The following TULP4 variants were observed in gnomAD, a reference collection of about 807,000 sequenced individuals.
TULP4 encodes tubby-related protein 4.
Under a neutral mutation model 129.0 loss-of-function variants are expected in TULP4, and 16 were observed. That is an observed-to-expected ratio of 0.12 (90% CI 0.08 to 0.19). The LOEUF is 0.19. TULP4 is among the 10% of genes least tolerant of loss of function. The pLI is 1.00. For missense variants in TULP4, 1,842 were observed against 2,059.1 expected (o/e 0.89, Z 2.04); for synonymous variants, 998 against 854.0 (o/e 1.17, Z -2.94).
intron 2 of TULP4, among the ~76,000 whole-genome samples, chr6:158,418,354 C>T (rs189653894): frequency 6.6e-6 from 1 of 150,924 alleles, no homozygotes; most frequent in Admixed American, 6.6e-5. Context: ...GTGATCCACC[C>T]GTCTTGGCCT....
rs565560528 is a variant in TULP4 at position 158,403,737 on chromosome 6, C to T, written c.253-9328C>T. On this transcript the variant is annotated intron_variant, in intron 1 of 13. Coordinates refer to ENST00000367097, the MANE Select transcript of TULP4 (RefSeq NM_020245.5). Reference sequence around the variant, plus strand: ...TGCTTAACTAGTATTTTAATTTGGGCGTCTCATTGCTCAGGTATGTTCCTT... The same window carrying T: ...TGCTTAACTAGTATTTTAATTTGGGTGTCTCATTGCTCAGGTATGTTCCTT... Among the ~76,000 whole-genome samples, 5 of 152,298 alleles carry T rather than the reference C, an allele frequency of 3.3e-5. No homozygotes were observed. In the South Asian group the frequency reaches 1.0e-3, roughly 32 times the overall value.
intron 1 of TULP4, among the ~76,000 whole-genome samples, chr6:158,383,232 C>T (rs1777368997): frequency 6.6e-6 from 1 of 152,178 alleles, no homozygotes; most frequent in South Asian, 2.1e-4. Flanking sequence ...CTGTATGCCT[C>T]CCTGCTCTCA....
intron 1 of TULP4, among the ~76,000 whole-genome samples, chr6:158,284,064 C>T (rs1363160752): frequency 1.3e-5 from 2 of 152,190 alleles, no homozygotes; most frequent in South Asian, 4.1e-4. Context: ...AGCAAACATC[C>T]GTTAAAAGTC....
At chr6:158,424,439 AG>A (rs1778428102) in intron 2 of TULP4, among the ~76,000 whole-genome samples, 1 of 152,068 alleles carries the variant, frequency 6.6e-6, no homozygotes, top group Admixed American at 6.5e-5. Context: ...GAGTAGAAAC[AG>A]GGTTTCACCA....
chr6:158,321,732 G>A (rs1020806699), intron 1 of TULP4, among the ~76,000 whole-genome samples: 5 of 152,118 alleles, frequency 3.3e-5, no homozygotes, highest in African/African-American at 1.2e-4. Context: ...TCACCACCAT[G>A]CCTAGCATAA....
At chr6:158,373,255 T>G (rs184049387) in intron 1 of TULP4, among the ~76,000 whole-genome samples, 3 of 152,338 alleles carry the variant, frequency 2.0e-5, no homozygotes, top group Admixed American at 6.5e-5. Flanking sequence ...TGCATTAACC[T>G]GTTCAGTCAA....
Position 158,506,852 on chromosome 6 carries a change from GGTC to G in TULP4, c.*162_*164del, listed in dbSNP as rs1202637592. ...GGCCCAGGAGAGGGCGCTGACCTGTGGTCGTCATTTATTTGGTTGGGTTTTATT... is the reference window on the plus strand; with the variant it reads ...GGCCCAGGAGAGGGCGCTGACCTGTGGTCATTTATTTGGTTGGGTTTTATT... On this transcript the variant is annotated 3_prime_UTR_variant, in exon 14 of 14. Coordinates refer to ENST00000367097, the MANE Select transcript of TULP4 (RefSeq NM_020245.5). 3 of 601,450 alleles carry G rather than the reference GGTC, an allele frequency of 5.0e-6. No individual in the cohort carries two copies. The highest frequency in any genetic ancestry group is 3.7e-5 in the African/African-American group (2 of 53,754). 37.3% of individuals were successfully genotyped at this position (601,450 alleles called of 1,614,324 possible). A position where few individuals can be genotyped will look rare whatever the true frequency, so the allele number is the denominator to read the frequency against.
intron 5 of TULP4, among the ~76,000 whole-genome samples, chr6:158,458,648 A>G (rs1266597051): frequency 1.3e-5 from 2 of 152,272 alleles, no homozygotes; most frequent in African/African-American, 2.4e-5. Context: ...GACATCATTT[A>G]CAAAAAGTTT....
Position 158,313,690 on chromosome 6 carries a change from A to C in TULP4, c.-327A>C, listed in dbSNP as rs899053120. On this transcript the variant is annotated 5_prime_UTR_variant, in exon 1 of 14. Coordinates refer to ENST00000367097, the MANE Select transcript of TULP4 (RefSeq NM_020245.5). ...AAAAGAAGAAAACCGTTTCTTGATC[A>C]CCACTTAATTAACGATGCTCTTTCT... 2.9e-5 allele frequency: 13 copies of C among 450,762 alleles called. No individual in the cohort carries two copies. Among genetic ancestry groups the C allele is most frequent in the Admixed American group, 2.3e-4 (6 of 26,256 alleles). The allele number at this position is 450,762 out of a possible 1,614,324, so 27.9% of individuals were successfully genotyped here.
chr6:158,293,799 A>G (rs1489082344), intron 1 of TULP4, among the ~76,000 whole-genome samples: 2 of 152,248 alleles, frequency 1.3e-5, no homozygotes, highest in Non-Finnish European at 2.9e-5. Context: ...AAATGATAAC[A>G]CAATAAATAT....
chr6:158,248,452 G>A (rs1183037750), intron 1 of TULP4, among the ~76,000 whole-genome samples: 2 of 149,900 alleles, frequency 1.3e-5, no homozygotes, highest in African/African-American at 2.4e-5. Context: ...TTGTATTTTA[G>A]TAGAGACGGG....
intron 1 of TULP4, among the ~76,000 whole-genome samples, chr6:158,296,705 AAG>A (rs1404061933): frequency 6.6e-6 from 1 of 151,848 alleles, no homozygotes; most frequent in African/African-American, 2.4e-5. Flanking sequence ...AAAGAGTACA[AAG>A]AGAGGAATTT....
intron 6 of TULP4, among the ~76,000 whole-genome samples, chr6:158,477,877 C>T (rs1463058468): frequency 6.6e-6 from 1 of 152,104 alleles, no homozygotes; most frequent in African/African-American, 2.4e-5. Context: ...CAGCAGTAGA[C>T]TGGATAAAGA....
chr6:158,479,072 G>C (rs1367088001), intron 6 of TULP4, among the ~76,000 whole-genome samples: 2 of 152,138 alleles, frequency 1.3e-5, no homozygotes, highest in African/African-American at 2.4e-5. Context: ...ATGAGAAAAG[G>C]GGGAGGCTTC....
At chr6:158,440,135 C>T (rs1351221577) in intron 3 of TULP4, among the ~76,000 whole-genome samples, 2 of 151,586 alleles carry the variant, frequency 1.3e-5, no homozygotes, top group Admixed American at 1.3e-4. Flanking sequence ...AGACCAGCAA[C>T]ATGACAAAAC....
chr6:158,409,233 G>A (rs1475783975), intron 1 of TULP4, among the ~76,000 whole-genome samples: 1 of 152,122 alleles, frequency 6.6e-6, no homozygotes. Flanking sequence ...GTTTTTTTGT[G>A]TAGATTTTCC....
chr6:158,241,473 G>A (rs962369128), intron 1 of TULP4, among the ~76,000 whole-genome samples: 9 of 151,354 alleles, frequency 5.9e-5, no homozygotes, highest in African/African-American at 1.9e-4. Context: ...CTGAGTGAAC[G>A]AGACTCCGTC....
intron 1 of TULP4, among the ~76,000 whole-genome samples, chr6:158,397,456 C>T (rs705939): frequency 0.47 from 71,863 of 152,026 alleles, 17,745 homozygotes; most frequent in African/African-American, 0.62. Context: ...TCTGTCCAAC[C>T]TGTGGGCCTC....
chr6:158,453,562 G>A (rs1402021633), intron 5 of TULP4, among the ~76,000 whole-genome samples: 1 of 150,256 alleles, frequency 6.7e-6, no homozygotes, highest in Non-Finnish European at 1.5e-5. Flanking sequence ...AGGCCGAGGC[G>A]GGCAGATCAC....
Sources: gnomAD v4.1 joint callset for allele counts (sites outside exome capture counted in the v4.1 genomes callset) on GRCh38, gnomAD v4.1.1 for gene constraint, MANE v1.5 for transcripts, NCBI Gene and HGNC (gene_info 2026-07-23, HGNC 2026-07-21) for gene names.